The following ANKRD33B variants were observed in gnomAD, a reference collection of about 807,000 sequenced individuals.
The protein encoded by ANKRD33B is ankyrin repeat domain 33B.
ANKRD33B carries 6 observed loss-of-function variants against 21.5 expected under a neutral mutation model. That is an observed-to-expected ratio of 0.28 (90% CI 0.15 to 0.55). ANKRD33B has a LOEUF of 0.55. Among genes scored for constraint, ANKRD33B ranks in the 20% least tolerant of loss-of-function variants. The pLI, the probability that ANKRD33B is intolerant of heterozygous loss-of-function variation, is 0.94. For missense variants in ANKRD33B, 698 were observed against 747.2 expected, an observed-to-expected ratio of 0.93 and a Z score of 0.77; for synonymous variants, 347 against 342.4, an observed-to-expected ratio of 1.01 and a Z score of -0.15.
intron 1 of ANKRD33B, among the ~76,000 whole-genome samples, chr5:10,593,058 C>G (rs546315036): frequency 6.6e-6 from 1 of 152,190 alleles, no homozygotes; most frequent in African/African-American, 2.4e-5. Flanking sequence ...GTATCCACCC[C>G]TCATATTGTC....
At chr5:10,590,985 C>CCT (rs998082103) in intron 1 of ANKRD33B, among the ~76,000 whole-genome samples, 1 of 152,112 alleles carries the variant, frequency 6.6e-6, no homozygotes, top group Admixed American at 6.5e-5. Flanking sequence ...GGGAAAAGTG[C>CCT]CTCTGATTGA....
chr5:10,608,430 C>G (rs1242435624), intron 1 of ANKRD33B, among the ~76,000 whole-genome samples: 1 of 150,834 alleles, frequency 6.6e-6, no homozygotes, highest in Admixed American at 6.6e-5. Context: ...CTGCAAAACA[C>G]AAGGCTGCAG....
chr5:10,613,404 C>A (rs539877124), intron 1 of ANKRD33B, among the ~76,000 whole-genome samples: 1 of 151,766 alleles, frequency 6.6e-6, no homozygotes, highest in East Asian at 1.9e-4. Context: ...CCTACCTCAG[C>A]CTCCTGAGTA....
At chr5:10,600,759 C>A (rs1173622946) in intron 1 of ANKRD33B, among the ~76,000 whole-genome samples, 1 of 152,096 alleles carries the variant, frequency 6.6e-6, no homozygotes, top group Non-Finnish European at 1.5e-5. Context: ...GTGGTTCTTC[C>A]ATTTTACACT....
chr5:10,607,797 C>T (rs1360119359), intron 1 of ANKRD33B, among the ~76,000 whole-genome samples: 4 of 152,198 alleles, frequency 2.6e-5, no homozygotes, highest in Admixed American at 6.5e-5. Flanking sequence ...GAGCTTCCAG[C>T]TGCTTGTTTT....
chr5:10,647,768 AG>A (rs1047256612), intron 3 of ANKRD33B, among the ~76,000 whole-genome samples: 58 of 152,292 alleles, frequency 3.8e-4, no homozygotes, highest in African/African-American at 1.3e-3. Flanking sequence ...CGCAGTCTTG[AG>A]GTGGAATTTC....
intron 1 of ANKRD33B, among the ~76,000 whole-genome samples, chr5:10,605,138 A>T (rs1317252006): frequency 6.6e-6 from 1 of 152,216 alleles, no homozygotes; most frequent in Non-Finnish European, 1.5e-5. Flanking sequence ...GTCTCTCCAT[A>T]GAGCTGCTTG....
At chr5:10,596,018 A>G (rs1579723759) in intron 1 of ANKRD33B, among the ~76,000 whole-genome samples, 1 of 152,350 alleles carries the variant, frequency 6.6e-6, no homozygotes, top group East Asian at 1.9e-4. Flanking sequence ...TGTTTCGCCT[A>G]TGCCTGGGGG....
intron 1 of ANKRD33B, among the ~76,000 whole-genome samples, chr5:10,599,353 T>C (rs559176706): frequency 5.2e-4 from 79 of 152,292 alleles, no homozygotes; most frequent in African/African-American, 1.9e-3. Context: ...TGGTGAAATA[T>C]ATATAACATA....
At chr5:10,592,387 C>T (rs1018154202) in intron 1 of ANKRD33B, among the ~76,000 whole-genome samples, 3 of 139,026 alleles carry the variant, frequency 2.2e-5, no homozygotes, top group Non-Finnish European at 3.0e-5. Context: ...CCAGGGCGGG[C>T]GGATCACCTG....
chr5:10,596,599 T>C (rs1426134019), intron 1 of ANKRD33B, among the ~76,000 whole-genome samples: 1 of 152,098 alleles, frequency 6.6e-6, no homozygotes, highest in Admixed American at 6.5e-5. Context: ...ATGGGGAGAA[T>C]GGAACCAATT....
At position 10,657,029 on chromosome 5, in the gene ANKRD33B, G is replaced by A. The variant is rs1463221065; in HGVS notation, c.*6916G>A. 1 of 152,070 alleles carries A rather than the reference G, an allele frequency of 6.6e-6. No individual in the cohort carries two copies. The highest frequency in any genetic ancestry group is 2.1e-4 in the South Asian group (1 of 4,822). The allele number at this position is 152,070 out of a possible 1,614,324, so 9.4% of individuals were successfully genotyped here. ...TCCATCAAAGCAATGGTCCGTGTTG[G>A]CCTGATGCTTTAAGAAGTTTGAGGA... On this transcript the variant is annotated 3_prime_UTR_variant, in exon 4 of 4. Coordinates refer to ENST00000296657, the MANE Select transcript of ANKRD33B (RefSeq NM_001164440.2).
At position 10,649,597 on chromosome 5, in the gene ANKRD33B, G is replaced by A. The variant is rs1187712739; in HGVS notation, c.969G>A (p.Val323=). 6.5e-7 allele frequency: 1 copy of A among 1,530,094 alleles called. No homozygotes were observed. Among genetic ancestry groups the A allele is most frequent in the African/African-American group, 1.4e-5 (1 of 72,862 alleles). 94.8% of individuals were successfully genotyped at this position (1,530,094 alleles called of 1,614,324 possible). The change falls in exon 4 of 4, where the codon GTG becomes GTA. Residue 323 remains valine, a synonymous_variant. Transcript: ENST00000296657. ...TCTACAGCCCCGCCGTGGCCATCGT[G>A]TGCCAGACCGTGTGCCCTGAGAGCC... ...TSLYSPAVAI[V]CQTVCPESPP...
chr5:10,649,755 C>A lies in ANKRD33B; in HGVS notation c.1127C>A (p.Ala376Glu). The stretch of plus-strand genomic sequence containing the variant: ...CGCGGGCGGACCGGACAGGAGGACG[C>A]GGACTCCCGGGAGGGCTCCCCGAGA... ...GQRGRTGQED[A>E]DSREGSPRAG... is the part of the protein sequence containing the mutation. Residue 376 changes from alanine (A) to glutamate (E), a missense_variant, in exon 4 of 4, where the codon GCG (alanine) becomes GAG (glutamate). Ala to Glu is a moderately radical substitution (Grantham distance 107). Transcript: ENST00000296657. The A allele has an allele frequency of 1.4e-6, 2 of 1,444,920 alleles. No individual in the cohort carries two copies. The highest frequency in any genetic ancestry group is 2.7e-5 in the East Asian group (1 of 36,798). 89.5% of individuals were successfully genotyped at this position (1,444,920 alleles called of 1,614,324 possible).
chr5:10,578,916 C>T (rs540973108), intron 1 of ANKRD33B, among the ~76,000 whole-genome samples: 16 of 152,176 alleles, frequency 1.1e-4, no homozygotes, highest in Middle Eastern at 3.4e-3. Context: ...AATCCCCCAG[C>T]GCTTGGAGGG....
intron 1 of ANKRD33B, among the ~76,000 whole-genome samples, chr5:10,593,723 TCCCCAA>T (rs1213287883): frequency 6.6e-6 from 1 of 151,542 alleles, no homozygotes; most frequent in Non-Finnish European, 1.5e-5. Context: ...ACCCACTCAC[TCCCCAA>T]CCCCTCACCC....
intron 1 of ANKRD33B, among the ~76,000 whole-genome samples, chr5:10,607,798 T>A (rs1736081729): frequency 6.6e-6 from 1 of 152,222 alleles, no homozygotes; most frequent in South Asian, 2.1e-4. Flanking sequence ...AGCTTCCAGC[T>A]GCTTGTTTTC....
At chr5:10,622,794 C>CTTTTTTTTTTTTTTTTTTTT in intron 2 of ANKRD33B, among the ~76,000 whole-genome samples, 3 of 78,600 alleles carry the variant, frequency 3.8e-5, no homozygotes, top group African/African-American at 7.3e-5. Flanking sequence ...TTTGTTTTTG[C>CTTTTTTTTTTTTTTTTTTTT]TTTATTTTAT....
intron 1 of ANKRD33B, among the ~76,000 whole-genome samples, chr5:10,607,561 T>C (rs768281013): frequency 1.3e-5 from 2 of 152,252 alleles, no homozygotes; most frequent in Non-Finnish European, 2.9e-5. Context: ...CAGTGAGTAC[T>C]GCAGCTGAAT....
Sources: allele counts gnomAD v4.1 joint callset (sites outside exome capture counted in the v4.1 genomes callset), GRCh38; gene constraint gnomAD v4.1.1; transcripts MANE v1.5; gene names NCBI Gene and HGNC (gene_info 2026-07-23, HGNC 2026-07-21).